Variants in BMAL1 observed in about 807,000 individuals in gnomAD.
BMAL1 encodes basic helix-loop-helix ARNT like 1, also known as basic helix-loop-helix ARNT-like protein 1.
the BMAL1 span, among the ~76,000 whole-genome samples, chr11:13,279,182 C>T: frequency 6.6e-6 from 1 of 152,262 alleles, no homozygotes; most frequent in East Asian, 1.9e-4. Context: ...ACCGCTACTC[C>T]TCAGCGAGGA....
the BMAL1 span, among the ~76,000 whole-genome samples, chr11:13,284,164 GTATATATATATA>G: frequency 3.0e-4 from 10 of 33,812 alleles, 2 homozygotes; most frequent in South Asian, 1.0e-3. Flanking sequence ...ATATATGTGT[GTATATATATATA>G]TGTGTATATA....
At chr11:13,357,576 C>A in the BMAL1 span, among the ~76,000 whole-genome samples, 2 of 152,192 alleles carry the variant, frequency 1.3e-5, no homozygotes, top group African/African-American at 4.8e-5. The surrounding 1 kb of genome is among the most constrained non-coding windows in gnomAD (Gnocchi z 4.8). Flanking sequence ...ACTTGCTGAC[C>A]TCTTCCCATT....
the BMAL1 span, among the ~76,000 whole-genome samples, chr11:13,317,632 A>G: frequency 1.3e-5 from 2 of 152,214 alleles, no homozygotes; most frequent in South Asian, 2.1e-4. Flanking sequence ...TCCCTCTCCA[A>G]GTTTTGTGCC....
At chr11:13,358,178 T>G in the BMAL1 span, among the ~76,000 whole-genome samples, 3 of 152,232 alleles carry the variant, frequency 2.0e-5, no homozygotes, top group Non-Finnish European at 4.4e-5. Context: ...TTCAGTTTAC[T>G]CTGAAGAGAC....
At chr11:13,324,521 C>T in the BMAL1 span, among the ~76,000 whole-genome samples, 1 of 152,220 alleles carries the variant, frequency 6.6e-6, no homozygotes, top group East Asian at 1.9e-4. Flanking sequence ...TCTGAAAAAG[C>T]ACCGTTCTGC....
At chr11:13,310,889 G>A in the BMAL1 span, among the ~76,000 whole-genome samples, 1 of 152,240 alleles carries the variant, frequency 6.6e-6, no homozygotes, top group East Asian at 1.9e-4. Flanking sequence ...TGGACAAGAG[G>A]CATGGGCCCC....
chr11:13,307,288 T>G, the BMAL1 span, among the ~76,000 whole-genome samples: 1 of 152,236 alleles, frequency 6.6e-6, no homozygotes, highest in Non-Finnish European at 1.5e-5. Flanking sequence ...TTAAAATCAT[T>G]CTGGACACTG....
At chr11:13,308,899 T>C in the BMAL1 span, among the ~76,000 whole-genome samples, 3 of 152,046 alleles carry the variant, frequency 2.0e-5, no homozygotes, top group Non-Finnish European at 4.4e-5. Context: ...CAAAAACTTA[T>C]TGGGTGCCAG....
chr11:13,348,135 T>G, the BMAL1 span, among the ~76,000 whole-genome samples: 2 of 152,118 alleles, frequency 1.3e-5, no homozygotes, highest in Non-Finnish European at 2.9e-5. Flanking sequence ...CCAGGAGGTG[T>G]GCCCACGGGC....
At chr11:13,284,200 ATATATATATG>A in the BMAL1 span, among the ~76,000 whole-genome samples, 1 of 33,332 alleles carries the variant, frequency 3.0e-5, no homozygotes, top group African/African-American at 1.1e-4. Context: ...ATATGTGTGT[ATATATATATG>A]TGTATATATA....
the BMAL1 span, among the ~76,000 whole-genome samples, chr11:13,304,451 G>T: frequency 4.6e-5 from 7 of 152,334 alleles, no homozygotes; most frequent in Non-Finnish European, 7.3e-5. Flanking sequence ...GAAGCAAGAG[G>T]GGAAATTTTT....
chr11:13,282,976 G>A, the BMAL1 span, among the ~76,000 whole-genome samples: 13 of 152,184 alleles, frequency 8.5e-5, no homozygotes, highest in South Asian at 6.2e-4. Context: ...GGACATGGCC[G>A]TAAGTACTTA....
the BMAL1 span, among the ~76,000 whole-genome samples, chr11:13,323,335 C>T: frequency 2.6e-5 from 4 of 152,180 alleles, no homozygotes; most frequent in South Asian, 8.3e-4. Context: ...TTCCTGAGCC[C>T]CCAACTCCCA....
chr11:13,372,514 AGAAAG>A, the BMAL1 span: 6 of 1,510,844 alleles, frequency 4.0e-6, no homozygotes, highest in African/African-American at 5.6e-5. Context: ...CTAAGAATGA[AGAAAG>A]AAAGAAAAAG....
At chr11:13,343,024 C>T in the BMAL1 span, among the ~76,000 whole-genome samples, 3 of 152,170 alleles carry the variant, frequency 2.0e-5, no homozygotes, top group South Asian at 2.1e-4. Flanking sequence ...ATTCTGAGCA[C>T]TTTATATATC....
At chr11:13,364,990 C>CA in the BMAL1 span, among the ~76,000 whole-genome samples, 1,420 of 152,034 alleles carry the variant, frequency 9.3e-3, 12 homozygotes, top group African/African-American at 0.031. Flanking sequence ...AAAACAAAAA[C>CA]AAAAAACACT....
chr11:13,281,183 G>T, the BMAL1 span, among the ~76,000 whole-genome samples: 13 of 152,082 alleles, frequency 8.5e-5, no homozygotes, highest in Admixed American at 6.5e-5. Flanking sequence ...TTTGTCCTTA[G>T]TCTCCCCTGC....
At chr11:13,278,256 C>T in the BMAL1 span, among the ~76,000 whole-genome samples, 1 of 152,224 alleles carries the variant, frequency 6.6e-6, no homozygotes, top group Non-Finnish European at 1.5e-5. Flanking sequence ...ACCCACCGCC[C>T]TTCCGCGGGC....
the BMAL1 span, among the ~76,000 whole-genome samples, chr11:13,298,617 T>G: frequency 6.6e-6 from 1 of 152,246 alleles, no homozygotes; most frequent in Non-Finnish European, 1.5e-5. Context: ...GTGCCTGGAT[T>G]GGTGCCTGGC....
Sources: gnomAD v4.1 joint callset for allele counts (sites outside exome capture counted in the v4.1 genomes callset) on GRCh38, gnomAD v4.1.1 for gene constraint, Gnocchi (gnomAD v3.1) non-coding constraint, MANE v1.5 for transcripts, NCBI Gene and HGNC (gene_info 2026-07-23, HGNC 2026-07-21) for gene names.